The following GPHN variants were observed in gnomAD, a reference collection of about 807,000 sequenced individuals.
GPHN encodes the protein gephyrin.
In GPHN, 17 loss-of-function variants were observed where a neutral mutation model predicts 95.5. That is an observed-to-expected ratio of 0.18 (90% CI 0.12 to 0.27). GPHN has a LOEUF of 0.27. Among genes scored for constraint, GPHN ranks in the 10% least tolerant of loss-of-function variants. The pLI is 1.00. For missense variants in GPHN, 660 were observed against 978.1 expected, an observed-to-expected ratio of 0.67 and a Z score of 4.34; for synonymous variants, 320 against 322.5, an observed-to-expected ratio of 0.99 and a Z score of 0.08.
chr14:66,942,760 T>G (rs927148549), intron 8 of GPHN, among the ~76,000 whole-genome samples: 6 of 152,206 alleles, frequency 3.9e-5, no homozygotes, highest in Non-Finnish European at 5.9e-5. Context: ...TAATCCTGTT[T>G]ACTTCTTTTC....
At chr14:67,200,119 C>A in the GPHN span, 2 of 1,065,284 alleles carry the variant, frequency 1.9e-6, no homozygotes, top group South Asian at 3.1e-5. Context: ...CATGCCCCCC[C>A]GAAGGCCTCC....
At chr14:67,612,909 C>T in the GPHN span, among the ~76,000 whole-genome samples, 1 of 151,774 alleles carries the variant, frequency 6.6e-6, no homozygotes, top group Non-Finnish European at 1.5e-5. Context: ...CGCACCACTG[C>T]ACGCCTGGGC....
At chr14:66,695,542 C>T (rs1317124827) in intron 2 of GPHN, among the ~76,000 whole-genome samples, 1 of 152,164 alleles carries the variant, frequency 6.6e-6, no homozygotes, top group Non-Finnish European at 1.5e-5. Context: ...TGTACATCCA[C>T]ACAAAAATCT....
chr14:66,532,192 T>G (rs1355479693), intron 1 of GPHN, among the ~76,000 whole-genome samples: 1 of 152,216 alleles, frequency 6.6e-6, no homozygotes, highest in African/African-American at 2.4e-5. Context: ...AAACTACGAT[T>G]TAGTATTTTT....
intron 5 of GPHN, among the ~76,000 whole-genome samples, chr14:66,888,638 A>G (rs1261391747): frequency 6.6e-6 from 1 of 152,182 alleles, no homozygotes. Context: ...AAAAAAAATT[A>G]AGAACAAATG....
intron 1 of GPHN, among the ~76,000 whole-genome samples, chr14:66,629,115 AT>A (rs1947217003): frequency 7.2e-6 from 1 of 138,044 alleles, no homozygotes; most frequent in Middle Eastern, 3.3e-3. Flanking sequence ...TTATATACAT[AT>A]ATAAATATGT....
At chr14:67,439,600 C>A in the GPHN span, among the ~76,000 whole-genome samples, 3 of 122,928 alleles carry the variant, frequency 2.4e-5, no homozygotes, top group Admixed American at 8.8e-5. Context: ...TTTCTTCTTT[C>A]TTTTTTGCAT....
chr14:66,692,178 C>T (rs559198342), intron 2 of GPHN, among the ~76,000 whole-genome samples: 4 of 152,136 alleles, frequency 2.6e-5, no homozygotes, highest in Non-Finnish European at 5.9e-5. Context: ...CTTTACTTTA[C>T]CTGCTAACCT....
the GPHN span, among the ~76,000 whole-genome samples, chr14:67,358,502 T>C: frequency 6.6e-6 from 1 of 152,006 alleles, no homozygotes; most frequent in African/African-American, 2.4e-5. Context: ...AGGGTCTAAA[T>C]GTCAGGGTCA....
At chr14:66,926,340 C>T (rs1446489015) in intron 8 of GPHN, among the ~76,000 whole-genome samples, 2 of 152,108 alleles carry the variant, frequency 1.3e-5, no homozygotes, top group East Asian at 3.8e-4. Flanking sequence ...GGAGAGTTTT[C>T]CCAATGTTTC....
chr14:67,383,474 C>T, the GPHN span: 2 of 1,609,178 alleles, frequency 1.2e-6, no homozygotes, highest in African/African-American at 2.7e-5. Flanking sequence ...TTAAGGAACA[C>T]AGAGCAGCGC....
At chr14:67,267,204 GTTTTC>G in the GPHN span, among the ~76,000 whole-genome samples, 23 of 152,238 alleles carry the variant, frequency 1.5e-4, no homozygotes, top group Non-Finnish European at 2.4e-4. Flanking sequence ...TTGAGGTTTT[GTTTTC>G]TTTTAAAATC....
At chr14:67,164,515 A>G (rs1246192202) in intron 19 of GPHN, among the ~76,000 whole-genome samples, 1 of 151,462 alleles carries the variant, frequency 6.6e-6, no homozygotes, top group Non-Finnish European at 1.5e-5. Context: ...TTTTTTTGAG[A>G]TGGAGTCTTG....
chr14:66,867,591 C>T (rs2153525679), intron 4 of GPHN, among the ~76,000 whole-genome samples: 1 of 152,256 alleles, frequency 6.6e-6, no homozygotes, highest in East Asian at 1.9e-4. Flanking sequence ...GGAGCAGCCT[C>T]AGAATTGTTA....
rs1014869673 is a variant in GPHN, at chr14:66,719,746, T to C, written c.143+38561T>C. ...GTGAAGAGATTCTGATTCATTAACA[T>C]AAGGATGAGACCCAGAAATAGATGT... On this transcript the variant is annotated intron_variant, in intron 2 of 22. Transcript: ENST00000478722. Among the ~76,000 whole-genome samples the C allele has an allele frequency of 2.0e-5, 3 of 152,142 alleles. No homozygotes were observed. The South Asian group carries it at 6.2e-4, about 32-fold the overall frequency.
In GPHN at chr14:67,126,075, G is replaced by A. The variant is rs114489474; in HGVS notation, c.1748+3698G>A. On this transcript the variant is annotated intron_variant, in intron 17 of 22. Transcript: ENST00000478722. ...GTACTATGAAGATTACTGGAGGGATGCTTCAAATACCTGAGAATTAACAAC... is the reference window on the plus strand; with the variant it reads ...GTACTATGAAGATTACTGGAGGGATACTTCAAATACCTGAGAATTAACAAC... Among the ~76,000 whole-genome samples the A allele has an allele frequency of 4.3e-3, 652 of 152,188 alleles. 3 individuals carry two copies. Among genetic ancestry groups the A allele is most frequent in the African/African-American group, 0.015 (611 of 41,514 alleles).
the GPHN span, among the ~76,000 whole-genome samples, chr14:67,501,079 A>AATT: frequency 6.8e-6 from 1 of 147,786 alleles, no homozygotes; most frequent in Non-Finnish European, 1.5e-5. Context: ...TAATAATAAT[A>AATT]ATAATAAAGA....
chr14:67,695,748 C>T, the GPHN span: 1 of 1,579,376 alleles, frequency 6.3e-7, no homozygotes, highest in Non-Finnish European at 8.7e-7. Flanking sequence ...TCCAGCGTTG[C>T]TCGCCGACTA....
chr14:67,260,508 G>A, the GPHN span, among the ~76,000 whole-genome samples: 1 of 152,126 alleles, frequency 6.6e-6, no homozygotes, highest in African/African-American at 2.4e-5. Context: ...TGATTTCAAG[G>A]TAGACAATAA....
Sources: gnomAD v4.1 joint callset for allele counts (sites outside exome capture counted in the v4.1 genomes callset) on GRCh38, gnomAD v4.1.1 for gene constraint, MANE v1.5 for transcripts, NCBI Gene and HGNC (gene_info 2026-07-23, HGNC 2026-07-21) for gene names.